Variants in TENM2 observed in about 807,000 individuals in gnomAD.
TENM2 encodes the protein teneurin-2.
In TENM2, 52 loss-of-function variants were observed where a neutral mutation model predicts 245.2. The ratio of observed to expected loss-of-function variants is 0.21; its 90% CI spans 0.17 to 0.27. The LOEUF is 0.27. Among genes scored for constraint, TENM2 ranks in the 10% least tolerant of loss-of-function variants. The pLI, the probability that TENM2 is intolerant of heterozygous loss-of-function variation, is 1.00. For synonymous variants in TENM2, 1,363 were observed against 1,438.9 expected, an observed-to-expected ratio of 0.95 and a Z score of 1.19; for missense variants, 3,046 against 3,666.8, an observed-to-expected ratio of 0.83 and a Z score of 4.37.
chr5:167,921,232 A>G (rs1777346576), intron 3 of TENM2, among the ~76,000 whole-genome samples: 1 of 152,252 alleles, frequency 6.6e-6, no homozygotes, highest in Non-Finnish European at 1.5e-5. Context: ...TGGAACAGAC[A>G]TTGAAAAATA....
At chr5:167,028,690 G>A in the TENM2 span, among the ~76,000 whole-genome samples, 3 of 151,864 alleles carry the variant, frequency 2.0e-5, no homozygotes, top group Admixed American at 6.6e-5. Context: ...ATTTATGTAT[G>A]CCATATATAA....
chr5:167,248,832 T>C, the TENM2 span, among the ~76,000 whole-genome samples: 1 of 152,098 alleles, frequency 6.6e-6, no homozygotes, highest in South Asian at 2.1e-4. Flanking sequence ...ATGAATGATA[T>C]TTCAAAGTTC....
intron 2 of TENM2, among the ~76,000 whole-genome samples, chr5:167,798,166 C>T (rs993478533): frequency 1.1e-4 from 17 of 152,204 alleles, no homozygotes; most frequent in African/African-American, 4.8e-5. Flanking sequence ...CTGGGATTCA[C>T]GTCCAGGCGC....
chr5:167,958,262 T>G (rs553844310), intron 4 of TENM2, among the ~76,000 whole-genome samples: 60 of 152,350 alleles, frequency 3.9e-4, no homozygotes, highest in African/African-American at 1.4e-3. Flanking sequence ...TTTGTTGGTT[T>G]AAAGTCTGTG....
chr5:167,621,638 C>T (rs1463576209), intron 2 of TENM2, among the ~76,000 whole-genome samples: 1 of 152,138 alleles, frequency 6.6e-6, no homozygotes, highest in Non-Finnish European at 1.5e-5. Context: ...ATGCAACTAC[C>T]ACTGCACTGT....
chr5:167,771,590 A>G (rs1763407182), intron 2 of TENM2, among the ~76,000 whole-genome samples: 1 of 152,170 alleles, frequency 6.6e-6, no homozygotes, highest in Non-Finnish European at 1.5e-5. Flanking sequence ...ATCCTACGCT[A>G]CTAAAATTTT....
intron 2 of TENM2, among the ~76,000 whole-genome samples, chr5:167,858,589 C>G (rs1399769192): frequency 6.6e-6 from 1 of 151,918 alleles, no homozygotes; most frequent in Admixed American, 6.6e-5. Context: ...TTAGGGAGCC[C>G]GTCCGGCCAT....
At chr5:167,333,786 C>A (rs550912270) in intron 1 of TENM2, among the ~76,000 whole-genome samples, 1 of 152,272 alleles carries the variant, frequency 6.6e-6, no homozygotes, top group South Asian at 2.1e-4. Flanking sequence ...CTGCAATAAA[C>A]CTGCCTCTTA....
chr5:167,446,410 A>T (rs1175977210), intron 2 of TENM2, among the ~76,000 whole-genome samples: 1 of 152,134 alleles, frequency 6.6e-6, no homozygotes, highest in Admixed American at 6.5e-5. Flanking sequence ...TCTGTTTGGC[A>T]TTGATTAAAT....
At chr5:167,330,752 G>T (rs1757393489) in intron 1 of TENM2, among the ~76,000 whole-genome samples, 1 of 152,126 alleles carries the variant, frequency 6.6e-6, no homozygotes, top group Admixed American at 6.5e-5. Context: ...CCTCTTATTT[G>T]CTATAGCATT....
the TENM2 span, among the ~76,000 whole-genome samples, chr5:167,222,645 T>C: frequency 6.6e-6 from 1 of 152,306 alleles, no homozygotes; most frequent in South Asian, 2.1e-4. Context: ...TGATTCTCTC[T>C]TTTCTTTGGC....
chr5:167,765,324 A>G (rs1031478100), intron 2 of TENM2, among the ~76,000 whole-genome samples: 2 of 152,198 alleles, frequency 1.3e-5, no homozygotes, highest in African/African-American at 4.8e-5. Flanking sequence ...CTGGGTATGC[A>G]AATGCAGGGG....
chr5:167,497,880 A>G (rs1326922563), intron 2 of TENM2, among the ~76,000 whole-genome samples: 2 of 151,942 alleles, frequency 1.3e-5, no homozygotes, highest in East Asian at 3.9e-4. Context: ...CAGTCTATTC[A>G]TTATCACAGA....
chr5:167,501,536 A>T (rs1452946232), intron 2 of TENM2, among the ~76,000 whole-genome samples: 1 of 152,120 alleles, frequency 6.6e-6, no homozygotes, highest in Admixed American at 6.6e-5. Context: ...CTTATTAGTG[A>T]TGGATCTGTA....
chr5:167,280,343 A>G (rs1770972791), upstream of TENM2, among the ~76,000 whole-genome samples: 1 of 152,188 alleles, frequency 6.6e-6, no homozygotes, highest in East Asian at 1.9e-4. Context: ...ACATTCTTCC[A>G]CACCACTCCA....
chr5:167,994,984 T>C (rs1298457424), intron 5 of TENM2, among the ~76,000 whole-genome samples: 1 of 152,174 alleles, frequency 6.6e-6, no homozygotes. Flanking sequence ...CGGGGTCTTT[T>C]CATGATTTGG....
At chr5:167,522,797 C>T (rs943881069) in intron 2 of TENM2, among the ~76,000 whole-genome samples, 6 of 138,184 alleles carry the variant, frequency 4.3e-5, no homozygotes, top group Admixed American at 1.5e-4. Context: ...GTACACTTTA[C>T]CCAGCAAATA....
chr5:167,819,666 G>A (rs1308676038), intron 2 of TENM2, among the ~76,000 whole-genome samples: 1 of 152,204 alleles, frequency 6.6e-6, no homozygotes, highest in Non-Finnish European at 1.5e-5. Context: ...GTGCCAGGGT[G>A]CAGTTCATTC....
chr5:167,379,468 A>C, intron 2 of TENM2, among the ~76,000 whole-genome samples: 1 of 152,050 alleles, frequency 6.6e-6, no homozygotes, highest in East Asian at 1.9e-4. Flanking sequence ...GAGTTACTTA[A>C]ATTTTTCTCC....
Sources: gnomAD v4.1 joint callset for allele counts (sites outside exome capture counted in the v4.1 genomes callset) on GRCh38, gnomAD v4.1.1 for gene constraint, MANE v1.5 for transcripts, NCBI Gene and HGNC (gene_info 2026-07-23, HGNC 2026-07-21) for gene names.